The following WWOX variants were observed in gnomAD, a reference collection of about 807,000 sequenced individuals.
The protein encoded by WWOX is WW domain-containing oxidoreductase.
In WWOX, 69 loss-of-function variants were observed where a neutral mutation model predicts 46.2. That is an observed-to-expected ratio of 1.49 (90% confidence interval 1.23 to 1.82). WWOX has a LOEUF of 1.82. Among genes scored for constraint, WWOX ranks in the 40% most tolerant of loss-of-function variants. The pLI is 0.00. For synonymous variants in WWOX, 359 were observed against 202.6 expected (o/e 1.77, Z -6.56); for missense variants, 919 against 542.6 (o/e 1.69, Z -6.89).
intron 8 of WWOX, among the ~76,000 whole-genome samples, chr16:78,761,469 A>G (rs975575396): frequency 6.6e-6 from 1 of 152,014 alleles, no homozygotes; most frequent in South Asian, 2.1e-4. Context: ...CCGGGGAGAA[A>G]TTTGTGTTGG....
chr16:78,621,422 T>A (rs897224511), intron 8 of WWOX, among the ~76,000 whole-genome samples: 1 of 151,850 alleles, frequency 6.6e-6, no homozygotes, highest in Non-Finnish European at 1.5e-5. Flanking sequence ...GGTAACTGAT[T>A]TATTTTTCCC....
intron 5 of WWOX, among the ~76,000 whole-genome samples, chr16:78,180,967 A>G (rs1029843310): frequency 6.6e-6 from 1 of 152,208 alleles, no homozygotes; most frequent in African/African-American, 2.4e-5. Flanking sequence ...GGAGGTAAGT[A>G]TAAAAACCTT....
At chr16:78,757,223 A>G (rs1196496722) in intron 8 of WWOX, among the ~76,000 whole-genome samples, 1 of 152,218 alleles carries the variant, frequency 6.6e-6, no homozygotes, top group Non-Finnish European at 1.5e-5. Flanking sequence ...TTTTGGGATA[A>G]TTTGTTATAC....
chr16:78,189,815 C>T (rs2035825770), intron 5 of WWOX, among the ~76,000 whole-genome samples: 2 of 152,038 alleles, frequency 1.3e-5, no homozygotes, highest in African/African-American at 2.4e-5. Flanking sequence ...CCACCACGCT[C>T]AGCTAATTTT....
chr16:78,409,538 T>G (rs1331015096), intron 6 of WWOX, among the ~76,000 whole-genome samples: 1 of 152,216 alleles, frequency 6.6e-6, no homozygotes, highest in Non-Finnish European at 1.5e-5. Flanking sequence ...TCTGCTAAAT[T>G]ACCCCCAAGA....
chr16:78,778,406 C>T (rs918609933), intron 8 of WWOX, among the ~76,000 whole-genome samples: 6 of 152,224 alleles, frequency 3.9e-5, no homozygotes, highest in Non-Finnish European at 7.4e-5. Flanking sequence ...ATAAATATGC[C>T]GGTATTGACA....
chr16:78,439,124 C>G (rs1196584416), intron 8 of WWOX, among the ~76,000 whole-genome samples: 1 of 152,146 alleles, frequency 6.6e-6, no homozygotes, highest in East Asian at 1.9e-4. Context: ...TGTATTGGTA[C>G]ATTGGTGTAT....
intron 8 of WWOX, among the ~76,000 whole-genome samples, chr16:78,546,277 A>C (rs935756273): frequency 6.6e-6 from 1 of 152,200 alleles, no homozygotes; most frequent in Admixed American, 6.5e-5. Flanking sequence ...GAAGCATGAA[A>C]GGGAACAGAA....
intron 8 of WWOX, among the ~76,000 whole-genome samples, chr16:78,675,905 G>C (rs568194084): frequency 6.6e-6 from 1 of 152,222 alleles, no homozygotes; most frequent in South Asian, 2.1e-4. Context: ...TTTGGAAAAT[G>C]TAAGAAGTCA....
chr16:78,199,637 C>T (rs955876517), intron 5 of WWOX, among the ~76,000 whole-genome samples: 8 of 152,192 alleles, frequency 5.3e-5, no homozygotes, highest in Non-Finnish European at 7.3e-5. Context: ...TCTAAATCTC[C>T]TTAGTGCTAC....
intron 8 of WWOX, chr16:78,825,873 C>G (rs1051791114): frequency 1.5e-6 from 1 of 666,326 alleles, no homozygotes; most frequent in African/African-American, 1.8e-5. Context: ...AAGACTGGCC[C>G]TAAGAAGCCT....
At chr16:78,298,900 G>C (rs1323697805) in intron 5 of WWOX, among the ~76,000 whole-genome samples, 1 of 152,032 alleles carries the variant, frequency 6.6e-6, no homozygotes, top group African/African-American at 2.4e-5. Context: ...CTCAGTAACT[G>C]TTAGCTCTCT....
chr16:78,619,145 ATATAT>A lies in WWOX; in HGVS notation c.1056+186394_1056+186398del, dbSNP rs2046110081. 5.2e-3 allele frequency among the ~76,000 whole-genome samples: 17 copies of A among 3,264 alleles called. 8 individuals carry two copies. The highest frequency in any genetic ancestry group is 0.029 in the South Asian group (2 of 68). The allele number at this position is 3,264 out of a possible 152,430, so 2.1% of individuals were successfully genotyped here. On this transcript the variant is annotated intron_variant, in intron 8 of 8. Coordinates refer to ENST00000566780, the MANE Select transcript of WWOX (RefSeq NM_016373.4). ...ACCCCATTTCTACTAAAAAAAAAAT[ATATAT>A]ATATATATATATATATATATATATA...
chr16:79,197,843 A>C (rs2051270409), intron 8 of WWOX, among the ~76,000 whole-genome samples: 1 of 151,958 alleles, frequency 6.6e-6, no homozygotes, highest in African/African-American at 2.4e-5. Flanking sequence ...TTATATCAGG[A>C]CTCCAGGGAT....
intron 8 of WWOX, among the ~76,000 whole-genome samples, chr16:78,819,806 A>G (rs1215532501): frequency 1.3e-5 from 2 of 152,210 alleles, no homozygotes; most frequent in South Asian, 2.1e-4. Context: ...AAGCTTGGCA[A>G]TATCTCTGAT....
At chr16:78,505,308 C>G (rs769501044) in intron 8 of WWOX, among the ~76,000 whole-genome samples, 1 of 152,286 alleles carries the variant, frequency 6.6e-6, no homozygotes, top group Non-Finnish European at 1.5e-5. Flanking sequence ...CTTGCCAAGA[C>G]TCCGAGGCAG....
chr16:78,569,681 G>C (rs1424193546), intron 8 of WWOX, among the ~76,000 whole-genome samples: 1 of 152,296 alleles, frequency 6.6e-6, no homozygotes, highest in African/African-American at 2.4e-5. Context: ...CTCTCAGTGA[G>C]CAGGAAAATT....
At chr16:78,105,433 T>A (rs1281972980) in intron 1 of WWOX, among the ~76,000 whole-genome samples, 2 of 147,966 alleles carry the variant, frequency 1.4e-5, no homozygotes, top group African/African-American at 2.5e-5. Context: ...TACTGCAGCC[T>A]GGGTGACAGA....
At chr16:78,532,324 C>T (rs2043642471) in intron 8 of WWOX, among the ~76,000 whole-genome samples, 1 of 152,108 alleles carries the variant, frequency 6.6e-6, no homozygotes, top group Non-Finnish European at 1.5e-5. Context: ...GGTTCAAGTC[C>T]TCTCTCTGTC....
Sources: gnomAD v4.1 joint callset for allele counts (sites outside exome capture counted in the v4.1 genomes callset) on GRCh38, gnomAD v4.1.1 for gene constraint, MANE v1.5 for transcripts, NCBI Gene and HGNC (gene_info 2026-07-23, HGNC 2026-07-21) for gene names.